MYO3B: variants seen among roughly 807,000 people sequenced by gnomAD.
The protein encoded by MYO3B is myosin-IIIb.
A neutral mutation model predicts 174.6 loss-of-function variants in MYO3B; 156 were observed. The observed-to-expected ratio is 0.89, with a 90% CI of 0.78 to 1.02. The LOEUF (loss-of-function observed/expected upper bound fraction) is 1.02, where lower values mean the gene tolerates loss of function less well. Ranked by LOEUF, MYO3B falls within the 50% of genes least tolerant of loss-of-function variation. The pLI, the probability that MYO3B is intolerant of heterozygous loss-of-function variation, is 0.00. For synonymous variants in MYO3B, 563 were observed against 569.1 expected, an observed-to-expected ratio of 0.99 and a Z score of 0.15; for missense variants, 1,632 against 1,639.4, an observed-to-expected ratio of 1.00 and a Z score of 0.08.
In MYO3B at chr2:170,199,358, C is replaced by T. The variant is rs759335987; in HGVS notation, c.153C>T (p.Ser51=). 6.2e-7 allele frequency: 1 copy of T among 1,611,584 alleles called. No individual in the cohort carries two copies. The highest frequency in any genetic ancestry group is 2.2e-5 in the East Asian group (1 of 44,740). Residue 51 remains serine, a synonymous_variant, in exon 2 of 35, where the codon AGC becomes AGT. Coordinates refer to ENST00000408978, the MANE Select transcript of MYO3B (RefSeq NM_138995.5). Reference sequence around the variant, plus strand: ...AGGTAACTAACAAGAGAGATGGGAGCCTGGCTGCAGTGAAAATTCTGGATC... The same window carrying T: ...AGGTAACTAACAAGAGAGATGGGAGTCTGGCTGCAGTGAAAATTCTGGATC... ...VYKVTNKRDG[S]LAAVKILDPV...
chr2:170,320,189 G>A (rs554687194), intron 7 of MYO3B, among the ~76,000 whole-genome samples: 33 of 151,980 alleles, frequency 2.2e-4, no homozygotes, highest in African/African-American at 6.0e-4. Flanking sequence ...ACAAGCATGC[G>A]CCACAATGCC....
intron 22 of MYO3B, among the ~76,000 whole-genome samples, chr2:170,427,557 A>C (rs750797763): frequency 6.6e-6 from 1 of 152,122 alleles, no homozygotes; most frequent in Non-Finnish European, 1.5e-5. Flanking sequence ...GTTCAGAAAC[A>C]TTATAACAAT....
intron 7 of MYO3B, among the ~76,000 whole-genome samples, chr2:170,326,017 T>C (rs2093864203): frequency 6.6e-6 from 1 of 152,148 alleles, no homozygotes; most frequent in African/African-American, 2.4e-5. Context: ...TCTTTTAAAA[T>C]AACTTGCCAC....
chr2:170,302,639 C>T (rs1036806059), intron 7 of MYO3B, among the ~76,000 whole-genome samples: 3 of 152,134 alleles, frequency 2.0e-5, no homozygotes, highest in African/African-American at 7.2e-5. Flanking sequence ...AAAAGTCTTG[C>T]TATACCATGG....
rs559052499 is a variant in MYO3B at position 170,327,676 on chromosome 2, G to T, written c.750-7709G>T. Among the ~76,000 whole-genome samples, 10 of 152,054 alleles carry T rather than the reference G, an allele frequency of 6.6e-5. No individual in the cohort carries two copies. In the South Asian group the frequency reaches 2.1e-3, roughly 32 times the overall value. On this transcript the variant is annotated intron_variant, in intron 7 of 34. Coordinates refer to ENST00000408978, the MANE Select transcript of MYO3B (RefSeq NM_138995.5). ...CTGATTGGGAGGTGCCTTTGTGGTG[G>T]ATTTAGCACTTAGCATGGATATCTT...
At chr2:170,213,884 T>C (rs2092799674) in intron 3 of MYO3B, among the ~76,000 whole-genome samples, 1 of 152,192 alleles carries the variant, frequency 6.6e-6, no homozygotes, top group African/African-American at 2.4e-5. Context: ...GGGCTTCTGA[T>C]ACGTGCTAGC....
intron 30 of MYO3B, 21 bp downstream of exon 30, chr2:170,519,561 GTTCCCTGTTGTAAA>G (rs1320580427): frequency 7.6e-6 from 12 of 1,582,992 alleles, no homozygotes; most frequent in African/African-American, 2.7e-5. Flanking sequence ...TCTGCTAAGA[GTTCCCTGTTGTAAA>G]CTCAGGTGCT....
intron 25 of MYO3B, among the ~76,000 whole-genome samples, chr2:170,494,498 C>T (rs181336812): frequency 2.2e-4 from 33 of 152,100 alleles, no homozygotes; most frequent in Non-Finnish European, 2.4e-4. Context: ...GAGGCTGAGG[C>T]GGGCAGATCA....
In MYO3B at chr2:170,496,785, C is replaced by T. The variant is rs1686878224; in HGVS notation, c.3015-1807C>T. Among the ~76,000 whole-genome samples the T allele has an allele frequency of 2.0e-5, 3 of 151,822 alleles. No individual in the cohort carries two copies. In the South Asian group the frequency reaches 6.2e-4, roughly 32 times the overall value. ...GGGACTACAGGCACATGTCACCATG[C>T]CTGGCTAATTTTTTAAATTTTTTGC... On this transcript the variant is annotated intron_variant, in intron 25 of 34. Coordinates refer to ENST00000408978, the MANE Select transcript of MYO3B (RefSeq NM_138995.5).
chr2:170,506,785 T>G (rs1369109607), intron 28 of MYO3B, among the ~76,000 whole-genome samples: 4 of 152,202 alleles, frequency 2.6e-5, no homozygotes, highest in Non-Finnish European at 5.9e-5. Context: ...CTGTAGTAGA[T>G]ATTTTTCATC....
intron 32 of MYO3B, among the ~76,000 whole-genome samples, chr2:170,618,049 C>A (rs777988607): frequency 2.0e-5 from 3 of 152,090 alleles, no homozygotes; most frequent in Non-Finnish European, 4.4e-5. Context: ...AGTGACCAGA[C>A]GGTAGTGTGA....
At chr2:170,569,435 G>T (rs1247893659) in intron 32 of MYO3B, among the ~76,000 whole-genome samples, 1 of 151,450 alleles carries the variant, frequency 6.6e-6, no homozygotes, top group Admixed American at 6.6e-5. Flanking sequence ...AACTTGAATT[G>T]TATGCTAATT....
At chr2:170,423,442 G>C (rs1386414073) in intron 22 of MYO3B, among the ~76,000 whole-genome samples, 1 of 152,134 alleles carries the variant, frequency 6.6e-6, no homozygotes, top group African/African-American at 2.4e-5. Context: ...AGAAAATAAA[G>C]TGAGGTGGGG....
At chr2:170,480,518 T>C (rs1351060688) in intron 25 of MYO3B, among the ~76,000 whole-genome samples, 2 of 152,176 alleles carry the variant, frequency 1.3e-5, no homozygotes, top group East Asian at 3.8e-4. Flanking sequence ...TTTCCCTGAG[T>C]TCTAAGAGCT....
At chr2:170,498,782 T>A in intron 26 of MYO3B, 79 bp downstream of exon 26, 1 of 912,830 alleles carries the variant, frequency 1.1e-6, no homozygotes, top group South Asian at 1.4e-5. Flanking sequence ...CATGAATGGC[T>A]CTGTAAGTTG....
intron 8 of MYO3B, among the ~76,000 whole-genome samples, chr2:170,367,835 A>G (rs1046367478): frequency 2.6e-5 from 4 of 152,174 alleles, no homozygotes; most frequent in African/African-American, 9.7e-5. Context: ...GAACCTATAA[A>G]AGTCAAATGA....
chr2:170,190,903 T>G (rs2105318975), intron 1 of MYO3B, among the ~76,000 whole-genome samples: 1 of 151,954 alleles, frequency 6.6e-6, no homozygotes, highest in African/African-American at 2.4e-5. Flanking sequence ...TTTTCTCTCC[T>G]TTTCTCAAGC....
chr2:170,608,681 G>GAGAC lies in MYO3B; in HGVS notation c.3734-42927_3734-42924dup, dbSNP rs555173210. 2.3e-3 allele frequency among the ~76,000 whole-genome samples: 348 copies of GAGAC among 152,040 alleles called. 1 individual carries two copies. The highest frequency in any genetic ancestry group is 6.8e-3 in the East Asian group (35 of 5,170). On this transcript the variant is annotated intron_variant, in intron 32 of 34. Transcript: ENST00000408978. Reference sequence around the variant, plus strand: ...ATTCAAGCCCAAAGAGAGAGAGAGAGAGACAGACAGACAGACAGACAGAGA... The same window carrying GAGAC: ...ATTCAAGCCCAAAGAGAGAGAGAGAGAGACAGACAGACAGACAGACAGACAGAGA...
At chr2:170,517,068 A>G (rs971312823) in intron 29 of MYO3B, among the ~76,000 whole-genome samples, 1 of 152,182 alleles carries the variant, frequency 6.6e-6, no homozygotes, top group Non-Finnish European at 1.5e-5. Flanking sequence ...CTGTTTGACA[A>G]TTTCGGATGC....
Sources: allele counts gnomAD v4.1 joint callset (sites outside exome capture counted in the v4.1 genomes callset), GRCh38; gene constraint gnomAD v4.1.1; transcripts MANE v1.5; gene names NCBI Gene and HGNC (gene_info 2026-07-23, HGNC 2026-07-21).